MAMLD1: variants seen among roughly 807,000 people sequenced by gnomAD.
MAMLD1 encodes mastermind like domain containing 1.
In MAMLD1, 14 loss-of-function variants were observed where a neutral mutation model predicts 45.0. The observed-to-expected ratio is 0.31, with a 90% confidence interval of 0.21 to 0.49. The LOEUF is 0.49. Among genes scored for constraint, MAMLD1 ranks in the 20% least tolerant of loss-of-function variants. The probability of loss-of-function intolerance (pLI) is 0.99; values close to 1 mark genes in which losing one functional copy is unlikely to be tolerated. For missense variants in MAMLD1, 543 were observed against 603.6 expected, an observed-to-expected ratio of 0.90 and a Z score of 1.05; for synonymous variants, 254 against 247.8, an observed-to-expected ratio of 1.02 and a Z score of -0.24.
At chrX:150,371,894 T>G (rs1456070559) in intron 1 of MAMLD1, among the ~76,000 whole-genome samples, 1 of 111,004 alleles carries the variant, frequency 9.0e-6, no homozygotes, top group African/African-American at 3.3e-5. Flanking sequence ...GCTGGAAGAG[T>G]AAAACCCCAT....
chrX:150,427,688 A>G (rs2034760870), intron 1 of MAMLD1, among the ~76,000 whole-genome samples: 2 of 112,030 alleles, frequency 1.8e-5, no homozygotes, highest in African/African-American at 6.5e-5. Context: ...AAACAGGCAC[A>G]GAGCTTGACT....
intron 4 of MAMLD1, among the ~76,000 whole-genome samples, chrX:150,472,346 C>T (rs1162281399): frequency 1.1e-4 from 12 of 112,233 alleles, no homozygotes; most frequent in Non-Finnish European, 2.3e-4. Context: ...CATATGCATA[C>T]GTTACCACCA....
chrX:150,378,405 C>T (rs1557401525), intron 1 of MAMLD1, among the ~76,000 whole-genome samples: 1 of 111,951 alleles, frequency 8.9e-6, no homozygotes, highest in African/African-American at 3.3e-5. Context: ...GTGATGTCTG[C>T]CAGATATCTC....
chrX:150,461,237 G>A (rs1200491854), intron 2 of MAMLD1, among the ~76,000 whole-genome samples: 3 of 112,962 alleles, frequency 2.7e-5, no homozygotes, highest in African/African-American at 9.7e-5. Flanking sequence ...GTCCTTCTGT[G>A]CATGGGCTGT....
In MAMLD1 at chrX:150,503,528, TCC is replaced by T; in HGVS notation, c.2284+15_2284+16del. 1 of 1,006,591 alleles carries T rather than the reference TCC, an allele frequency of 9.9e-7. No individual in the cohort carries two copies. Among genetic ancestry groups the T allele is most frequent in the Non-Finnish European group, 1.4e-6 (1 of 720,531 alleles). The allele number at this position is 1,006,591 out of a possible 1,213,427, so 83.0% of individuals were successfully genotyped here. A position where few individuals can be genotyped will look rare whatever the true frequency, so the allele number is the denominator to read the frequency against. On this transcript the variant is annotated intron_variant, in intron 6 of 7. Coordinates refer to ENST00000370401, the MANE Select transcript of MAMLD1 (RefSeq NM_005491.5). ...GCTGCGACGCCACAGGTAAGTCACT[TCC>T]CCCTGAGCCTCGCTTTCCTCATCTG...
chrX:150,464,454 G>T (rs2036154916), intron 3 of MAMLD1, among the ~76,000 whole-genome samples: 1 of 112,155 alleles, frequency 8.9e-6, no homozygotes. Context: ...TCAAAATCCT[G>T]TTTGTTCTAC....
intron 1 of MAMLD1, among the ~76,000 whole-genome samples, chrX:150,429,175 GT>G (rs1212070454): frequency 9.1e-6 from 1 of 109,909 alleles, no homozygotes; most frequent in East Asian, 2.9e-4. Context: ...TGGGTGCATT[GT>G]ATATCATGCC....
chrX:150,365,398 G>A (rs940441608), intron 1 of MAMLD1, among the ~76,000 whole-genome samples: 1 of 112,851 alleles, frequency 8.9e-6, no homozygotes, highest in Non-Finnish European at 1.9e-5. Flanking sequence ...CCTGGCGGCC[G>A]GGACGGCCGA....
chrX:150,401,909 C>A (rs1336474747), intron 1 of MAMLD1, among the ~76,000 whole-genome samples: 11 of 110,112 alleles, frequency 1.0e-4, no homozygotes, highest in Non-Finnish European at 1.5e-4. Flanking sequence ...ACACCTTATA[C>A]AAAAATCAAT....
chrX:150,487,256 T>A (rs1324661740), intron 5 of MAMLD1, among the ~76,000 whole-genome samples: 1 of 112,234 alleles, frequency 8.9e-6, no homozygotes, highest in Non-Finnish European at 1.9e-5. Flanking sequence ...TGGATTGTTT[T>A]ATAAATGGGA....
chrX:150,449,279 C>T lies in MAMLD1; in HGVS notation c.96+3667C>T, dbSNP rs782745009. 1.1e-4 allele frequency among the ~76,000 whole-genome samples: 12 copies of T among 111,650 alleles called. No homozygotes were observed. In the South Asian group the frequency reaches 4.6e-3, roughly 43 times the overall value. ...GATGGCCCCAAGGGCAGTGTGCTTT[C>T]CATCTACAATACGATGAAAAACAAC... On this transcript the variant is annotated intron_variant, in intron 2 of 7. Coordinates refer to ENST00000370401, the MANE Select transcript of MAMLD1 (RefSeq NM_005491.5).
At chrX:150,370,193 C>A (rs781949489) in intron 1 of MAMLD1, among the ~76,000 whole-genome samples, 12 of 109,504 alleles carry the variant, frequency 1.1e-4, no homozygotes, top group African/African-American at 4.0e-4. Context: ...CACAATAAAC[C>A]AATTCCCATC....
intron 1 of MAMLD1, among the ~76,000 whole-genome samples, chrX:150,422,921 G>A (rs1025392332): frequency 2.1e-4 from 23 of 111,750 alleles, no homozygotes; most frequent in Admixed American, 1.7e-3. Flanking sequence ...GGGGCTTTCT[G>A]GTTCAAGGTC....
At chrX:150,394,392 GTTC>G (rs1161366758) in intron 1 of MAMLD1, among the ~76,000 whole-genome samples, 2 of 109,754 alleles carry the variant, frequency 1.8e-5, no homozygotes, top group Non-Finnish European at 3.8e-5. Context: ...CTTTGACTTT[GTTC>G]TTCTCTGTCA....
chrX:150,487,099 C>T, intron 5 of MAMLD1, among the ~76,000 whole-genome samples: 1 of 111,875 alleles, frequency 8.9e-6, no homozygotes, highest in East Asian at 2.8e-4. Context: ...GCTGCTGCTG[C>T]TGCTGCTGCT....
upstream of MAMLD1, among the ~76,000 whole-genome samples, chrX:150,362,455 A>C (rs1420452709): frequency 4.3e-4 from 40 of 92,403 alleles, no homozygotes; most frequent in Middle Eastern, 0.011. Context: ...CTCTCCTCTC[A>C]TCTCCTCTCC....
At chrX:150,474,334 T>G (rs1557406747) in intron 5 of MAMLD1, among the ~76,000 whole-genome samples, 1 of 112,731 alleles carries the variant, frequency 8.9e-6, no homozygotes, top group African/African-American at 3.2e-5. Context: ...CTCTGTAGCC[T>G]TCTGTTTCCA....
intron 1 of MAMLD1, among the ~76,000 whole-genome samples, chrX:150,370,908 C>G (rs1569564338): frequency 8.9e-6 from 1 of 112,156 alleles, no homozygotes; most frequent in African/African-American, 3.2e-5. Context: ...GAGACAGGGC[C>G]TAAGGAGGGT....
chrX:150,489,644 G>A (rs1045337081), intron 5 of MAMLD1, among the ~76,000 whole-genome samples: 43 of 108,823 alleles, frequency 4.0e-4, no homozygotes, highest in Admixed American at 3.3e-3. Context: ...CTCTGTGGTT[G>A]TTCACTGGGG....
Sources: allele counts gnomAD v4.1 joint callset (sites outside exome capture counted in the v4.1 genomes callset), GRCh38; gene constraint gnomAD v4.1.1; transcripts MANE v1.5; gene names NCBI Gene and HGNC (gene_info 2026-07-23, HGNC 2026-07-21).